CFDP1: variants seen among roughly 807,000 people sequenced by gnomAD.
The protein encoded by CFDP1 is heterochromatin-stabilizing protein CFDP1.
Under a neutral mutation model 40.1 loss-of-function variants are expected in CFDP1, and 31 were observed. The ratio of observed to expected loss-of-function variants is 0.77; its 90% CI spans 0.58 to 1.04. The LOEUF (loss-of-function observed/expected upper bound fraction) is 1.04, where lower values mean the gene tolerates loss of function less well. Ranked by LOEUF, CFDP1 falls within the 50% of genes least tolerant of loss-of-function variation. The pLI, the probability that CFDP1 is intolerant of heterozygous loss-of-function variation, is 0.00. For synonymous variants in CFDP1, 167 were observed against 120.0 expected, an observed-to-expected ratio of 1.39 and a Z score of -2.56; for missense variants, 423 against 343.4, an observed-to-expected ratio of 1.23 and a Z score of -1.83.
intron 5 of CFDP1, among the ~76,000 whole-genome samples, chr16:75,341,512 T>C (rs867119270): frequency 6.6e-6 from 1 of 152,168 alleles, no homozygotes; most frequent in Non-Finnish European, 1.5e-5. Context: ...AAATAAGAGA[T>C]TGGCTAGATT....
rs1392941595 is a variant in CFDP1, at chr16:75,385,085, T to TTTTATTCTTGAATAAAG, written c.650+10004_650+10005insCTTTATTCAAGAATAAA. Reference sequence around the variant, plus strand: ...GGTACAGAGTAAATAGATTAGAAATTGAATAAGGAAAATAATTTTTAAAAG... The same window carrying TTTTATTCTTGAATAAAG: ...GGTACAGAGTAAATAGATTAGAAATTTTTATTCTTGAATAAAGGAATAAGGAAAATAATTTTTAAAAG... On this transcript the variant is annotated intron_variant, in intron 5 of 6. Coordinates refer to ENST00000283882, the MANE Select transcript of CFDP1 (RefSeq NM_006324.3). Among the ~76,000 whole-genome samples the TTTTATTCTTGAATAAAG allele has an allele frequency of 1.7e-3, 264 of 151,746 alleles. 6 individuals carry two copies. In the South Asian group the frequency reaches 0.022, roughly 13 times the overall value.
intron 5 of CFDP1, among the ~76,000 whole-genome samples, chr16:75,376,958 T>C (rs2078804307): frequency 6.6e-6 from 1 of 152,254 alleles, no homozygotes; most frequent in South Asian, 2.1e-4. Context: ...AGAACTGCCC[T>C]GAGCTGCTAC....
Position 75,309,845 on chromosome 16 carries a change from A to AT in CFDP1, c.651-4664_651-4663insA, listed in dbSNP as rs55657833. 1.0e-4 allele frequency among the ~76,000 whole-genome samples: 15 copies of AT among 148,672 alleles called. No individual in the cohort carries two copies. The South Asian group carries it at 2.8e-3, about 28-fold the overall frequency. ...AAAAAAAAAAAAAAAAAAAAAAAAA[A>AT]CCAATCCAGTTCCAGACCAACAGAA... On this transcript the variant is annotated intron_variant, in intron 5 of 6. Transcript: ENST00000283882.
intron 5 of CFDP1, among the ~76,000 whole-genome samples, chr16:75,382,602 G>C (rs776992310): frequency 1.3e-5 from 2 of 152,150 alleles, no homozygotes; most frequent in Non-Finnish European, 2.9e-5. Context: ...CAAAAATTTG[G>C]ATTTAGTTAA....
intron 4 of CFDP1, among the ~76,000 whole-genome samples, chr16:75,402,331 T>C (rs1360381302): frequency 6.6e-6 from 1 of 152,192 alleles, no homozygotes. Flanking sequence ...TGAAAGTCTT[T>C]AATTGGGCAG....
chr16:75,415,744 T>G (rs1263527269), intron 1 of CFDP1, among the ~76,000 whole-genome samples: 1 of 152,246 alleles, frequency 6.6e-6, no homozygotes, highest in East Asian at 1.9e-4. Flanking sequence ...TGTCATTGTA[T>G]GACTATACCA....
chr16:75,301,536 C>CTTTTTTTTTTTTTTTTTTTTTTT (rs546724752), intron 6 of CFDP1, among the ~76,000 whole-genome samples: 3 of 53,938 alleles, frequency 5.6e-5, no homozygotes, highest in African/African-American at 2.1e-4. Flanking sequence ...TTTGTTGTGT[C>CTTTTTTTTTTTTTTTTTTTTTTT]TTTTTTTTTT....
At chr16:75,309,884 T>C (rs1180440271) in intron 5 of CFDP1, among the ~76,000 whole-genome samples, 1 of 151,400 alleles carries the variant, frequency 6.6e-6, no homozygotes, top group Non-Finnish European at 1.5e-5. Flanking sequence ...CTGGTTTCTT[T>C]GTTCTTTATC....
intron 5 of CFDP1, among the ~76,000 whole-genome samples, chr16:75,348,728 T>C (rs568580119): frequency 5.1e-4 from 77 of 152,342 alleles, no homozygotes; most frequent in Admixed American, 4.6e-3. Context: ...TTTCAATCCA[T>C]GAACATTAAA....
chr16:75,411,770 G>A, intron 4 of CFDP1, 55 bp downstream of exon 4: 12 of 1,533,484 alleles, frequency 7.8e-6, no homozygotes, highest in Non-Finnish European at 1.1e-5. Flanking sequence ...ACCAGTTAGA[G>A]AGAGACGCTC....
In CFDP1 at chr16:75,374,007, C is replaced by T. The variant is rs572002371; in HGVS notation, c.650+21083G>A. ...GTGGCTCACACCTGTAATCCCAGCA[C>T]TTTGGGAGGCCAAACCAGGTGGATC... On this transcript the variant is annotated intron_variant, in intron 5 of 6. Transcript: ENST00000283882. 1.1e-4 allele frequency among the ~76,000 whole-genome samples: 17 copies of T among 152,210 alleles called. No homozygotes were observed. The South Asian group carries it at 2.1e-3, about 19-fold the overall frequency.
intron 1 of CFDP1, chr16:75,419,254 CCCCTCATGATATTAAAAAGA>C (rs1181368565): frequency 3.1e-5 from 5 of 158,942 alleles, no homozygotes; most frequent in African/African-American, 9.6e-5. Context: ...AATCTGTGAG[CCCCTCATGATATTAAAAAGA>C]CAGAAAAAAA....
chr16:75,323,897 G>A (rs1038809469), intron 5 of CFDP1, among the ~76,000 whole-genome samples: 15 of 152,130 alleles, frequency 9.9e-5, no homozygotes, highest in East Asian at 7.7e-4. Flanking sequence ...GTGAACACAC[G>A]AGTGGTGTGT....
chr16:75,415,067 T>C (rs2079192502), intron 1 of CFDP1, among the ~76,000 whole-genome samples: 1 of 152,236 alleles, frequency 6.6e-6, no homozygotes, highest in Admixed American at 6.5e-5. Flanking sequence ...ATTCTACTAA[T>C]GTGTTTCTCA....
chr16:75,396,781 AT>A (rs1311782025), intron 4 of CFDP1, among the ~76,000 whole-genome samples: 1 of 150,782 alleles, frequency 6.6e-6, no homozygotes, highest in Non-Finnish European at 1.5e-5. Context: ...AGAAAGAGAA[AT>A]GTTTAATCCC....
At chr16:75,423,416 C>T (rs1024999583) in intron 1 of CFDP1, among the ~76,000 whole-genome samples, 4 of 152,088 alleles carry the variant, frequency 2.6e-5, no homozygotes, top group Admixed American at 1.3e-4. Context: ...CACTGCACTC[C>T]AGTCTGGGTA....
intron 6 of CFDP1, among the ~76,000 whole-genome samples, chr16:75,300,715 G>C (rs897180755): frequency 6.6e-6 from 1 of 152,142 alleles, no homozygotes; most frequent in Admixed American, 6.5e-5. Flanking sequence ...ATGTGTCTTG[G>C]ACAACCAGAA....
intron 2 of CFDP1, among the ~76,000 whole-genome samples, chr16:75,414,332 A>G (rs2079186414): frequency 6.6e-6 from 1 of 152,212 alleles, no homozygotes; most frequent in Non-Finnish European, 1.5e-5. Context: ...CTTTTCAGGG[A>G]CTGAATTTTC....
At chr16:75,395,338 T>C (rs1229699997) in intron 4 of CFDP1, 129 bp from the exon 5 acceptor site, 21 of 980,006 alleles carry the variant, frequency 2.1e-5, no homozygotes, top group Non-Finnish European at 2.8e-5. Flanking sequence ...CTCAGCATTA[T>C]GATAAAAGTT....
Sources: allele counts gnomAD v4.1 joint callset (sites outside exome capture counted in the v4.1 genomes callset), GRCh38; gene constraint gnomAD v4.1.1; transcripts MANE v1.5; gene names NCBI Gene and HGNC (gene_info 2026-07-23, HGNC 2026-07-21).